ANKMY1: variants seen among roughly 807,000 people sequenced by gnomAD.
The protein encoded by ANKMY1 is ankyrin repeat and MYND domain-containing protein 1.
Under a neutral mutation model 102.0 loss-of-function variants are expected in ANKMY1, and 98 were observed. The ratio of observed to expected loss-of-function variants is 0.96; its 90% confidence interval spans 0.82 to 1.14. The LOEUF (loss-of-function observed/expected upper bound fraction) is 1.14, where lower values mean the gene tolerates loss of function less well. Ranked by LOEUF, ANKMY1 falls within the 50% of genes most tolerant of loss-of-function variation. The pLI is 0.00. For missense variants in ANKMY1, 1,330 were observed against 1,347.6 expected (o/e 0.99, Z 0.20); for synonymous variants, 582 against 559.9 (o/e 1.04, Z -0.56).
At chr2:240,541,029 A>G (rs1411448316) in intron 4 of ANKMY1, among the ~76,000 whole-genome samples, 2 of 152,100 alleles carry the variant, frequency 1.3e-5, no homozygotes, top group Non-Finnish European at 2.9e-5. Context: ...TGCTCCTCTC[A>G]ATTTGGGAAA....
intron 4 of ANKMY1, among the ~76,000 whole-genome samples, chr2:240,538,661 C>T (rs2087651748): frequency 6.6e-6 from 1 of 152,180 alleles, no homozygotes; most frequent in African/African-American, 2.4e-5. Context: ...TATGGGCGTG[C>T]AGTGAGGCAC....
rs1473668253 is a variant in ANKMY1 at position 240,499,162 on chromosome 2, C to T, written c.2806+796G>A. 1.3e-5 allele frequency among the ~76,000 whole-genome samples: 2 copies of T among 151,984 alleles called. No individual in the cohort carries two copies. The highest frequency in any genetic ancestry group is 2.9e-5 in the Non-Finnish European group (2 of 67,968). On this transcript the variant is annotated intron_variant, in intron 15 of 17. Transcript: ENST00000401804. The surrounding 1 kb of genome is among the most constrained non-coding windows in gnomAD (Gnocchi z 4.2). ...AGGAGGCTACTGCATGCTGAGGGCT[C>T]GGTGTGGGGGCGGGATCAGCAGGTT...
At chr2:240,551,365 GTT>G (rs1299956412) in intron 4 of ANKMY1, among the ~76,000 whole-genome samples, 1 of 152,132 alleles carries the variant, frequency 6.6e-6, no homozygotes, top group Non-Finnish European at 1.5e-5. Flanking sequence ...ATGGCAACGT[GTT>G]TGTTTGCATA....
chr2:240,499,837 C>T lies in ANKMY1; in HGVS notation c.2806+121G>A. On this transcript the variant is annotated intron_variant, in intron 15 of 17. Coordinates refer to ENST00000401804, the MANE Select transcript of ANKMY1 (RefSeq NM_001282771.3). This position sits in a 1 kb window ranked among gnomAD's most constrained non-coding sequence, Gnocchi z 4.2. ...ACACAAAGGGGACAAGCCGACGAGC[C>T]CAGCCCCAGGAAGGCCCCTCCAAGA... 1.5e-6 allele frequency: 2 copies of T among 1,310,078 alleles called. No homozygotes were observed. Among genetic ancestry groups the T allele is most frequent in the South Asian group, 3.2e-5 (2 of 63,284 alleles). 81.2% of individuals were successfully genotyped at this position (1,310,078 alleles called of 1,614,324 possible).
In ANKMY1 at chr2:240,479,499, G is replaced by T; in HGVS notation, c.*110C>A. On this transcript the variant is annotated 3_prime_UTR_variant, in exon 18 of 18. Transcript: ENST00000401804. Reference sequence around the variant, plus strand: ...CACTGCTACAAAGCATGACCCCAAAGGTGCAGAAATGCCTGCATTAGGCTG... The same window carrying T: ...CACTGCTACAAAGCATGACCCCAAATGTGCAGAAATGCCTGCATTAGGCTG... The T allele has an allele frequency of 1.5e-6, 2 of 1,310,284 alleles. No homozygotes were observed. The highest frequency in any genetic ancestry group is 2.2e-6 in the Non-Finnish European group (2 of 921,376). The allele number at this position is 1,310,284 out of a possible 1,614,324, so 81.2% of individuals were successfully genotyped here. A position where few individuals can be genotyped will look rare whatever the true frequency, so the allele number is the denominator to read the frequency against.
chr2:240,486,226 G>A (rs1184163986), intron 15 of ANKMY1, among the ~76,000 whole-genome samples: 1 of 151,972 alleles, frequency 6.6e-6, no homozygotes, highest in Admixed American at 6.6e-5. Context: ...CTTTCCTCCT[G>A]CCCACTTCCT....
At chr2:240,518,330 T>C (rs2081548335) in intron 9 of ANKMY1, among the ~76,000 whole-genome samples, 1 of 152,006 alleles carries the variant, frequency 6.6e-6, no homozygotes, top group Non-Finnish European at 1.5e-5. Context: ...CCCTCACCCA[T>C]CATGCCTGCC....
downstream of ANKMY1, among the ~76,000 whole-genome samples, chr2:240,477,297 CAA>C (rs2074920439): frequency 1.3e-5 from 2 of 152,146 alleles, no homozygotes; most frequent in South Asian, 4.1e-4. Context: ...GCCTGGGTAA[CAA>C]GAGAGAAACT....
rs143356556 is a variant in ANKMY1 at position 240,481,034 on chromosome 2, G to T, written c.2949C>A (p.Cys983Ter). The T allele has an allele frequency of 1.2e-6, 2 of 1,613,846 alleles. No individual in the cohort carries two copies. Among genetic ancestry groups the T allele is most frequent in the African/African-American group, 2.7e-5 (2 of 74,944 alleles). ...AGGTCAGGATCCCGTAGCAGCGAGG[G>T]CAGGGCAAGAGGCGGACCCCGATGG... ...GRSIGVRLLP[C>*]PRCYGILTCS... The change falls in exon 17 of 18, where the codon TGC becomes TGA. Residue 983 changes from cysteine to a stop codon, truncating the protein, a stop_gained. Coordinates refer to ENST00000401804, the MANE Select transcript of ANKMY1 (RefSeq NM_001282771.3). LOFTEE classifies it high-confidence loss of function.
chr2:240,535,055 G>A (rs970872411), intron 4 of ANKMY1, among the ~76,000 whole-genome samples: 1 of 152,186 alleles, frequency 6.6e-6, no homozygotes, highest in Non-Finnish European at 1.5e-5. Context: ...CTGTGTCGAT[G>A]AAAAAAGTCA....
chr2:240,535,002 G>A (rs536406025), intron 4 of ANKMY1, among the ~76,000 whole-genome samples: 2 of 152,344 alleles, frequency 1.3e-5, no homozygotes, highest in African/African-American at 4.8e-5. Flanking sequence ...AGGAGGCTGA[G>A]GCAAAGGATT....
At chr2:240,523,685 G>GA (rs1357492533) in intron 8 of ANKMY1, 200 bp downstream of exon 8, 9 of 895,452 alleles carry the variant, frequency 1.0e-5, no homozygotes, top group Non-Finnish European at 1.5e-5. Context: ...GGGTGGCACT[G>GA]AAAACAGCCC....
Position 240,538,339 on chromosome 2 carries a change from T to C in ANKMY1, c.481-8830A>G, listed in dbSNP as rs555481939. Among the ~76,000 whole-genome samples the C allele has an allele frequency of 1.8e-3, 269 of 152,178 alleles. 1 individual carries two copies. Among genetic ancestry groups the C allele is most frequent in the African/African-American group, 6.1e-3 (254 of 41,534 alleles). ...GGCGCTCAGGGGCCAGCGCGAGTTC[T>C]GGGTGGGCGTGGGCTCGGGGGGCCC... is the stretch of plus-strand genomic sequence containing the variant. On this transcript the variant is annotated intron_variant, in intron 4 of 17. Transcript: ENST00000401804.
chr2:240,521,998 G>A (rs927712004), intron 8 of ANKMY1: 3 of 152,252 alleles, frequency 2.0e-5, no homozygotes, highest in Non-Finnish European at 2.9e-5. Flanking sequence ...GCACAGAAAG[G>A]AAACTAAGCA....
chr2:240,505,932 G>T (rs1404329901), intron 13 of ANKMY1, among the ~76,000 whole-genome samples: 1 of 152,066 alleles, frequency 6.6e-6, no homozygotes, highest in Non-Finnish European at 1.5e-5. Context: ...TTTAAGGGAG[G>T]TTTAAAAAAA....
At chr2:240,548,114 A>G (rs980088826) in intron 4 of ANKMY1, among the ~76,000 whole-genome samples, 5 of 152,220 alleles carry the variant, frequency 3.3e-5, no homozygotes, top group African/African-American at 1.2e-4. Flanking sequence ...AAAATCCTCA[A>G]TAAAATACTG....
chr2:240,503,688 AAGG>A (rs1309590376), intron 13 of ANKMY1, among the ~76,000 whole-genome samples: 19 of 152,322 alleles, frequency 1.2e-4, no homozygotes, highest in African/African-American at 4.6e-4. Context: ...GCCAAGGAGA[AAGG>A]AGAAGAGGAC....
At position 240,539,331 on chromosome 2, in the gene ANKMY1, G is replaced by A. The variant is rs923419930; in HGVS notation, c.481-9822C>T. On this transcript the variant is annotated intron_variant, in intron 4 of 17. Transcript: ENST00000401804. The stretch of plus-strand genomic sequence containing the variant: ...ACGAACAACTCCGGACCGGAGGAAC[G>A]AGCAACTCCAGACGCACCACCTTAA... 5.9e-5 allele frequency among the ~76,000 whole-genome samples: 9 copies of A among 151,520 alleles called. No individual in the cohort carries two copies. In the South Asian group the frequency reaches 1.5e-3, roughly 25 times the overall value.
intron 9 of ANKMY1, among the ~76,000 whole-genome samples, chr2:240,513,379 C>G (rs1371418665): frequency 3.9e-5 from 6 of 152,246 alleles, no homozygotes; most frequent in Admixed American, 3.9e-4. Context: ...TGACAGCATC[C>G]ATAGAGGCCA....
Sources: allele counts gnomAD v4.1 joint callset (sites outside exome capture counted in the v4.1 genomes callset), GRCh38; gene constraint gnomAD v4.1.1; non-coding constraint Gnocchi (gnomAD v3.1); transcripts MANE v1.5; gene names NCBI Gene and HGNC (gene_info 2026-07-23, HGNC 2026-07-21).